The following PLEKHG5 variants were observed in gnomAD, a reference collection of about 807,000 sequenced individuals.
PLEKHG5 encodes the protein pleckstrin homology domain-containing family G member 5.
Under a neutral mutation model 103.8 loss-of-function variants are expected in PLEKHG5, and 52 were observed. The observed-to-expected ratio is 0.50, with a 90% CI of 0.40 to 0.63. The LOEUF is 0.63. Among genes scored for constraint, PLEKHG5 ranks in the 30% least tolerant of loss-of-function variants. The pLI, the probability that PLEKHG5 is intolerant of heterozygous loss-of-function variation, is 0.00. For synonymous variants in PLEKHG5, 592 were observed against 575.5 expected (o/e 1.03, Z -0.41); for missense variants, 1,205 against 1,347.6 (o/e 0.89, Z 1.66).
chr1:6,475,239 C>T (rs530714106), intron 4 of PLEKHG5, 101 bp from the exon 5 acceptor site: 34 of 702,930 alleles, frequency 4.8e-5, no homozygotes, highest in Non-Finnish European at 7.4e-5. Flanking sequence ...CAACCCTCCT[C>T]CCCACCCTCC....
upstream of PLEKHG5, chr1:6,497,387 T>C: frequency 9.4e-7 from 1 of 1,064,178 alleles, no homozygotes; most frequent in Non-Finnish European, 1.1e-6. This position sits in a 1 kb window ranked among gnomAD's most constrained non-coding sequence, Gnocchi z 6.1. Context: ...CGCCGGGGAC[T>C]GGGAGGCCGC....
At chr1:6,472,472 C>T in intron 10 of PLEKHG5, 55 bp downstream of exon 10, 1 of 1,210,578 alleles carries the variant, frequency 8.3e-7, no homozygotes, top group Non-Finnish European at 1.2e-6. Context: ...CAGCTGAGGG[C>T]TGTCAGAAAG....
In PLEKHG5 at chr1:6,473,831, A is replaced by G. The variant is rs150966389; in HGVS notation, c.591+182T>C. On this transcript the variant is annotated intron_variant, in intron 7 of 20. Coordinates refer to ENST00000377728, the MANE Select transcript of PLEKHG5 (RefSeq NM_020631.6). ...CAGATACAAGCCCTCACCTTGGGCT[A>G]TGGCTAGATCCAGAGAGAGAGGGTC... 2.9e-3 allele frequency among the ~76,000 whole-genome samples: 442 copies of G among 152,276 alleles called. 1 individual carries two copies. The highest frequency in any genetic ancestry group is 4.5e-3 in the Non-Finnish European group (303 of 67,998).
intron 1 of PLEKHG5, 61 bp from the exon 2 acceptor site, chr1:6,477,719 G>C (rs901552484): frequency 1.3e-6 from 2 of 1,555,038 alleles, no homozygotes; most frequent in African/African-American, 3.6e-5. Context: ...CTCGACCCCG[G>C]CCCAGCGCTG....
At chr1:6,503,952 G>C (rs1268884595) in intron 1 of PLEKHG5, among the ~76,000 whole-genome samples, 1 of 151,316 alleles carries the variant, frequency 6.6e-6, no homozygotes, top group Non-Finnish European at 1.5e-5. Context: ...AACTAAGAGA[G>C]CCCAGGGAGG....
chr1:6,497,126 C>CG, upstream of PLEKHG5: 3 of 1,209,054 alleles, frequency 2.5e-6, no homozygotes, highest in Non-Finnish European at 3.5e-6. The surrounding 1 kb of genome is among the most constrained non-coding windows in gnomAD (Gnocchi z 6.1). Context: ...CAGCGAGAGG[C>CG]GGGGGGAGGG....
intron 1 of PLEKHG5, among the ~76,000 whole-genome samples, chr1:6,516,534 G>A (rs1047759840): frequency 2.6e-5 from 4 of 151,424 alleles, no homozygotes; most frequent in Non-Finnish European, 5.9e-5. Flanking sequence ...GCGGGCATCT[G>A]TAATCCCAGC....
intron 1 of PLEKHG5, among the ~76,000 whole-genome samples, chr1:6,488,102 G>A (rs1001940802): frequency 2.0e-5 from 3 of 152,138 alleles, no homozygotes; most frequent in East Asian, 1.9e-4. Flanking sequence ...ACTTCAAATC[G>A]GGTGGTCTTG....
chr1:6,484,685 C>G (rs186333711), intron 1 of PLEKHG5, among the ~76,000 whole-genome samples: 137 of 152,280 alleles, frequency 9.0e-4, no homozygotes, highest in African/African-American at 3.1e-3. Flanking sequence ...TTCTCTCAGA[C>G]CCAACTGCCC....
intron 1 of PLEKHG5, among the ~76,000 whole-genome samples, chr1:6,482,691 A>ATTAT (rs1644933715): frequency 6.6e-6 from 1 of 152,034 alleles, no homozygotes; most frequent in Non-Finnish European, 1.5e-5. Context: ...ATCCCAGATT[A>ATTAT]TTATTTATTT....
chr1:6,485,358 C>G, intron 1 of PLEKHG5: 2 of 1,424,040 alleles, frequency 1.4e-6, no homozygotes, highest in South Asian at 1.4e-5. Context: ...ACCCCCGGCC[C>G]AGGAGGGCTC....
intron 1 of PLEKHG5, among the ~76,000 whole-genome samples, chr1:6,508,363 G>A (rs975844740): frequency 6.6e-6 from 1 of 152,146 alleles, no homozygotes; most frequent in Non-Finnish European, 1.5e-5. Context: ...TCCCACCTTC[G>A]CTTGTGCTGT....
exon 1 of PLEKHG5, chr1:6,519,636 G>C: frequency 1.3e-6 from 1 of 762,514 alleles, no homozygotes; most frequent in Non-Finnish European, 2.3e-6. Flanking sequence ...AACATGGAAG[G>C]CTTCTCCCCG....
chr1:6,483,865 C>T (rs774167186), intron 1 of PLEKHG5, among the ~76,000 whole-genome samples: 1 of 152,240 alleles, frequency 6.6e-6, no homozygotes, highest in Non-Finnish European at 1.5e-5. Context: ...TCCTGGGAGC[C>T]CCCCGTCTGC....
Position 6,470,824 on chromosome 1 carries a change from G to A in PLEKHG5, c.1453C>T (p.His485Tyr). 6.3e-7 allele frequency: 1 copy of A among 1,578,718 alleles called. No homozygotes were observed. Among genetic ancestry groups the A allele is most frequent in the South Asian group, 1.2e-5 (1 of 86,674 alleles). Reference protein sequence around the residue: ...LKLSDMLAKPHQRLTKYPLLL... With the variant: ...LKLSDMLAKPYQRLTKYPLLL... ...AGCGGGTACTTGGTGAGCCGCTGGT[G>A]GGGTTTGGCCAGCATGTCGCTCAGC... The change falls in exon 14 of 21, where the codon CAC becomes TAC. Residue 485 changes from histidine to tyrosine, a missense_variant. His to Tyr is a moderately conservative substitution (Grantham distance 83). Transcript: ENST00000377728.
rs759650571 is a variant in PLEKHG5 at position 6,487,332 on chromosome 1, C to A, written c.-88+4305G>T. Reference sequence around the variant, plus strand: ...GTTTCGCCATGTTGACCAGGCTGGTCACTAACTCCTGATCTCAAGTGATCC... The same window carrying A: ...GTTTCGCCATGTTGACCAGGCTGGTAACTAACTCCTGATCTCAAGTGATCC... On this transcript the variant is annotated intron_variant, in intron 1 of 20. Coordinates refer to ENST00000377728, the MANE Select transcript of PLEKHG5 (RefSeq NM_020631.6). This position sits in a 1 kb window ranked among gnomAD's most constrained non-coding sequence, Gnocchi z 4.1. 1.3e-5 allele frequency among the ~76,000 whole-genome samples: 2 copies of A among 152,164 alleles called. No homozygotes were observed. The highest frequency in any genetic ancestry group is 4.1e-4 in the South Asian group (2 of 4,830).
At chr1:6,475,666 T>C (rs1644746620) in intron 3 of PLEKHG5, 144 bp from the exon 4 acceptor site, 2 of 788,630 alleles carry the variant, frequency 2.5e-6, no homozygotes, top group Non-Finnish European at 4.4e-6. Context: ...CAGGCCCGCA[T>C]AGGGCTGTGC....
At chr1:6,513,335 G>A (rs1037702432) in intron 1 of PLEKHG5, among the ~76,000 whole-genome samples, 1 of 152,234 alleles carries the variant, frequency 6.6e-6, no homozygotes, top group African/African-American at 2.4e-5. Context: ...AAGGTGGCAG[G>A]GCTCCCTGGC....
At position 6,487,518 on chromosome 1, in the gene PLEKHG5, C is replaced by T. The variant is rs945049647; in HGVS notation, c.-88+4119G>A. Among the ~76,000 whole-genome samples the T allele has an allele frequency of 3.9e-5, 6 of 152,214 alleles. No individual in the cohort carries two copies. The highest frequency in any genetic ancestry group is 1.4e-4 in the African/African-American group (6 of 41,438). ...CCTCCCAGCTGGTCCGCACAGGGTC[C>T]ACCTGCCGGTCTTCCTTCTCTCCCT... On this transcript the variant is annotated intron_variant, in intron 1 of 20. Transcript: ENST00000377728. This position sits in a 1 kb window ranked among gnomAD's most constrained non-coding sequence, Gnocchi z 4.1.
Sources: allele counts gnomAD v4.1 joint callset (sites outside exome capture counted in the v4.1 genomes callset), GRCh38; gene constraint gnomAD v4.1.1; non-coding constraint Gnocchi (gnomAD v3.1); transcripts MANE v1.5; gene names NCBI Gene and HGNC (gene_info 2026-07-23, HGNC 2026-07-21).